Variants in MAX observed in about 807,000 individuals in gnomAD.
MAX encodes the protein MYC associated transcriptional regulator X, also known as protein max.
Under a neutral mutation model 22.3 loss-of-function variants are expected in MAX, and 3 were observed. The observed-to-expected ratio is 0.13, with a 90% CI of 0.06 to 0.35. The LOEUF (loss-of-function observed/expected upper bound fraction) is 0.35. Among genes scored for constraint, MAX ranks in the 10% least tolerant of loss-of-function variants. MAX has a pLI of 1.00. For missense variants in MAX, 119 were observed against 209.4 expected (o/e 0.57, Z 2.66); for synonymous variants, 72 against 77.7 (o/e 0.93, Z 0.39).
intron 1 of MAX, 167 bp from the exon 2 acceptor site, chr14:65,101,739 G>C: frequency 1.6e-6 from 1 of 634,916 alleles, no homozygotes; most frequent in East Asian, 2.8e-5. Flanking sequence ...TCCACCCTCG[G>C]CGGGATCCGG....
At chr14:65,045,700 GC>G (rs1392556453) in intron 3 of MAX, among the ~76,000 whole-genome samples, 1 of 152,100 alleles carries the variant, frequency 6.6e-6, no homozygotes, top group Non-Finnish European at 1.5e-5. Flanking sequence ...ATAGGCGTGA[GC>G]CACCGCACCC....
rs375136508 is a variant in MAX, at chr14:65,077,824, A to C, written c.295+89T>G. ...CCTGCTACTGAGCACATACTCCATG[A>C]CTGGCTCTGACTCTGCAGGCCCAGG... On this transcript the variant is annotated intron_variant, in intron 4 of 4. Coordinates refer to ENST00000358664, the MANE Select transcript of MAX (RefSeq NM_002382.5). This position sits in a 1 kb window ranked among gnomAD's most constrained non-coding sequence, Gnocchi z 6.3. The C allele has an allele frequency of 6.2e-7, 1 of 1,614,146 alleles. No individual in the cohort carries two copies. The highest frequency in any genetic ancestry group is 1.3e-5 in the African/African-American group (1 of 75,038).
chr14:65,044,710 T>C lies in MAX; in HGVS notation c.172-38426A>G. The C allele has an allele frequency of 2.1e-6, 1 of 484,138 alleles. No individual in the cohort carries two copies. Among genetic ancestry groups the C allele is most frequent in the Non-Finnish European group, 3.5e-6 (1 of 285,396 alleles). The allele number at this position is 484,138 out of a possible 1,614,324, so 30.0% of individuals were successfully genotyped here. On this transcript the variant is annotated intron_variant, in intron 3 of 3. Transcript: ENST00000341653. This position sits in a 1 kb window ranked among gnomAD's most constrained non-coding sequence, Gnocchi z 5.5. ...ATTGCTACGGGGAGCGGGGAGGAAG[T>C]GGGCGCTGCTTCTGCGTTATCTGGA...
intron 3 of MAX, among the ~76,000 whole-genome samples, chr14:65,081,417 T>C (rs542910196): frequency 6.6e-6 from 1 of 152,182 alleles, no homozygotes; most frequent in Non-Finnish European, 1.5e-5. Context: ...TTCCACTCCA[T>C]ACAAGATCAT....
At chr14:65,048,996 C>T (rs754907368) in intron 3 of MAX, among the ~76,000 whole-genome samples, 1 of 151,600 alleles carries the variant, frequency 6.6e-6, no homozygotes, top group Non-Finnish European at 1.5e-5. Context: ...CATGGTGCCA[C>T]GTTGCCTGTA....
At chr14:65,095,074 A>G (rs972870682) in intron 2 of MAX, among the ~76,000 whole-genome samples, 6 of 152,262 alleles carry the variant, frequency 3.9e-5, no homozygotes, top group African/African-American at 1.4e-4. Flanking sequence ...ATCTATCAAG[A>G]GTTGTGAAAA....
intron 3 of MAX, among the ~76,000 whole-genome samples, chr14:65,058,879 T>A (rs2062801059): frequency 6.6e-6 from 1 of 152,210 alleles, no homozygotes; most frequent in Admixed American, 6.5e-5. Flanking sequence ...TGCCTAGTAC[T>A]TTTATTTAGG....
At chr14:65,061,896 C>T (rs1233904458) in intron 3 of MAX, 1 of 154,788 alleles carries the variant, frequency 6.5e-6, no homozygotes, top group African/African-American at 2.4e-5. Context: ...GTTGGGAGTC[C>T]TTCCACTTCA....
chr14:65,101,783 C>T (rs1212545426), intron 1 of MAX: 5 of 596,316 alleles, frequency 8.4e-6, no homozygotes, highest in Non-Finnish European at 1.5e-5. Flanking sequence ...CGCCGCCCCT[C>T]CTTCCGGGAT....
intron 3 of MAX, among the ~76,000 whole-genome samples, chr14:65,059,744 T>C (rs1221748447): frequency 2.6e-5 from 4 of 151,988 alleles, no homozygotes; most frequent in Admixed American, 6.6e-5. Context: ...TAGAATAACA[T>C]CTATTTAATT....
chr14:65,063,163 C>G (rs537535500), intron 3 of MAX, among the ~76,000 whole-genome samples: 2 of 152,310 alleles, frequency 1.3e-5, no homozygotes, highest in East Asian at 3.9e-4. Flanking sequence ...AGAGGGCACC[C>G]AAATCCATGT....
rs370877018 is a variant in MAX at position 65,047,871 on chromosome 14, C to T, written c.172-41587G>A. Among the ~76,000 whole-genome samples, 3 of 152,002 alleles carry T rather than the reference C, an allele frequency of 2.0e-5. No individual in the cohort carries two copies. Among genetic ancestry groups the T allele is most frequent in the African/African-American group, 4.8e-5 (2 of 41,362 alleles). On this transcript the variant is annotated intron_variant, in intron 3 of 3. Transcript: ENST00000341653. This position sits in a 1 kb window ranked among gnomAD's most constrained non-coding sequence, Gnocchi z 5.2. Reference sequence around the variant, plus strand: ...TGGAGCAGTGCCTGGGCACACAGCCCGAGATGTACACAGCTTTTCCTGGAA... The same window carrying T: ...TGGAGCAGTGCCTGGGCACACAGCCTGAGATGTACACAGCTTTTCCTGGAA...
At position 65,032,799 on chromosome 14, in the gene MAX, A is replaced by G; in HGVS notation, c.172-26515T>C. On this transcript the variant is annotated intron_variant, in intron 3 of 3. Coordinates refer to the MAX transcript ENST00000341653. This position sits in a 1 kb window ranked among gnomAD's most constrained non-coding sequence, Gnocchi z 5.0. ...GCAGAGGGACTTGGAAGGAAATACA[A>G]AAATCACAGGAGATCCATTAGGGTT... The G allele has an allele frequency of 2.7e-6, 3 of 1,118,262 alleles. No individual in the cohort carries two copies. The highest frequency in any genetic ancestry group is 3.7e-6 in the Non-Finnish European group (3 of 801,860). The allele number at this position is 1,118,262 out of a possible 1,614,324, so 69.3% of individuals were successfully genotyped here. A position where few individuals can be genotyped will look rare whatever the true frequency, so the allele number is the denominator to read the frequency against.
intron 3 of MAX, among the ~76,000 whole-genome samples, chr14:65,050,452 G>A (rs946562590): frequency 1.3e-5 from 2 of 152,222 alleles, no homozygotes; most frequent in Admixed American, 6.5e-5. Context: ...TTAGCCAGGC[G>A]TGGGGGCTTG....
chr14:65,099,749 G>C (rs1010832565), intron 2 of MAX, among the ~76,000 whole-genome samples: 1 of 151,748 alleles, frequency 6.6e-6, no homozygotes, highest in African/African-American at 2.4e-5. Context: ...AAGGATAAAA[G>C]TAAATGTGAA....
chr14:65,043,256 T>C (rs535207984), intron 3 of MAX, among the ~76,000 whole-genome samples: 1 of 152,226 alleles, frequency 6.6e-6, no homozygotes, highest in South Asian at 2.1e-4. Flanking sequence ...ACTATCTTGA[T>C]CTTTGTAGTA....
At position 65,088,648 on chromosome 14, in the gene MAX, T is replaced by C. The variant is rs369059615; in HGVS notation, c.171+5060A>G. Reference sequence around the variant, plus strand: ...TCCCAAAATAATGTGGCCAGGTTGATGGGGGATTCCTCCCCTCAGTTAATA... The same window carrying C: ...TCCCAAAATAATGTGGCCAGGTTGACGGGGGATTCCTCCCCTCAGTTAATA... On this transcript the variant is annotated intron_variant, in intron 3 of 4. Coordinates refer to ENST00000358664, the MANE Select transcript of MAX (RefSeq NM_002382.5). The surrounding 1 kb of genome is among the most constrained non-coding windows in gnomAD (Gnocchi z 5.2). Among the ~76,000 whole-genome samples the C allele has an allele frequency of 3.5e-4, 53 of 152,364 alleles. No individual in the cohort carries two copies. The highest frequency in any genetic ancestry group is 3.4e-3 in the Middle Eastern group (1 of 294).
chr14:65,027,668 G>C lies in MAX; in HGVS notation c.172-21384C>G, dbSNP rs546406732. 4.4e-5 allele frequency: 71 copies of C among 1,614,108 alleles called. No homozygotes were observed. In the Admixed American group the frequency reaches 9.8e-4, roughly 22 times the overall value. On this transcript the variant is annotated intron_variant, in intron 3 of 3. Transcript: ENST00000341653. The surrounding 1 kb of genome is among the most constrained non-coding windows in gnomAD (Gnocchi z 5.7). ...CGCCTGCTGACACGCACTGACTGTTGCCTCTCCTACCTCTTTCCCTGTTTC... is the reference window on the plus strand; with the variant it reads ...CGCCTGCTGACACGCACTGACTGTTCCCTCTCCTACCTCTTTCCCTGTTTC...
rs1303186382 is a variant in MAX at position 65,012,531 on chromosome 14, T to C, written c.172-6247A>G. On this transcript the variant is annotated intron_variant, in intron 3 of 3. Transcript: ENST00000341653. The surrounding 1 kb of genome is among the most constrained non-coding windows in gnomAD (Gnocchi z 5.0). The stretch of plus-strand genomic sequence containing the variant: ...TCTGTGGCTCTGGCAGGAGGTAGGG[T>C]GCTGTCACAGAGCTGGGACTCAGCC... 8.5e-6 allele frequency: 10 copies of C among 1,174,040 alleles called. No homozygotes were observed. The African/African-American group carries it at 1.5e-4, about 18-fold the overall frequency. 72.7% of individuals were successfully genotyped at this position (1,174,040 alleles called of 1,614,324 possible). A position where few individuals can be genotyped will look rare whatever the true frequency, so the allele number is the denominator to read the frequency against.
Sources: gnomAD v4.1 joint callset for allele counts (sites outside exome capture counted in the v4.1 genomes callset) on GRCh38, gnomAD v4.1.1 for gene constraint, Gnocchi (gnomAD v3.1) non-coding constraint, MANE v1.5 for transcripts, NCBI Gene and HGNC (gene_info 2026-07-23, HGNC 2026-07-21) for gene names.